Variants in UBR4 observed in about 807,000 individuals in gnomAD.
UBR4 encodes the protein E3 ubiquitin-protein ligase UBR4.
A neutral mutation model predicts 575.6 loss-of-function variants in UBR4; 124 were observed. The observed-to-expected ratio is 0.22, with a 90% CI of 0.19 to 0.25. The LOEUF (loss-of-function observed/expected upper bound fraction) is 0.25. Ranked by LOEUF, UBR4 falls within the 10% of genes least tolerant of loss-of-function variation. The pLI is 1.00. For synonymous variants in UBR4, 2,455 were observed against 2,473.7 expected (o/e 0.99, Z 0.22); for missense variants, 4,818 against 6,478.8 (o/e 0.74, Z 8.80).
chr1:19,106,573 C>A lies in UBR4; in HGVS notation c.12389G>T (p.Arg4130Leu). The A allele has an allele frequency of 6.4e-7, 1 of 1,560,748 alleles. No individual in the cohort carries two copies. The highest frequency in any genetic ancestry group is 1.2e-5 in the South Asian group (1 of 80,670). The change falls in exon 83 of 106, where the codon CGA (arginine) becomes CTA (leucine). Residue 4130 changes from arginine to leucine, a missense_variant. By Grantham distance (102) the Arg-to-Leu change is moderately radical (BLOSUM62 -2). Transcript: ENST00000375254. The stretch of plus-strand genomic sequence containing the variant: ...AGTCCAGAAGTGGCCACTCACTTGT[C>A]GCAGCCAGTTGTTATGCCCCAGTTT... Reference protein sequence around the residue: ...DLKLGHNNWLRQVLFTPATQA... With the variant: ...DLKLGHNNWLLQVLFTPATQA...
chr1:19,105,180 A>G lies in UBR4; in HGVS notation c.12513T>C (p.Asp4171=). ...QVLDLLTSYL[D]ELSIAGECAA... ...CACACTCCCCAGCTATGCTCAGCTC[A>G]TCCAGGTAACTGCCACCAAGAGGGA... The change falls in exon 85 of 106, where the codon GAT becomes GAC. Residue 4171 remains aspartate, a synonymous_variant. Transcript: ENST00000375254. 6.2e-7 allele frequency: 1 copy of G among 1,612,372 alleles called. No individual in the cohort carries two copies. The highest frequency in any genetic ancestry group is 8.5e-7 in the Non-Finnish European group (1 of 1,179,358).
chr1:19,193,990 G>T (rs2092292688), intron 8 of UBR4, among the ~76,000 whole-genome samples: 1 of 152,188 alleles, frequency 6.6e-6, no homozygotes. Flanking sequence ...TCTAGAAAAG[G>T]TAAAACTAGA....
intron 102 of UBR4, 34 bp from the exon 103 acceptor site, chr1:19,081,607 G>C (rs778376265): frequency 6.2e-7 from 1 of 1,612,348 alleles, no homozygotes; most frequent in Non-Finnish European, 8.5e-7. Context: ...AATAAAAGCA[G>C]GGTGGAAGCA....
chr1:19,138,156 G>T lies in UBR4; in HGVS notation c.8757C>A (p.Gly2919=), dbSNP rs752597534. The stretch of plus-strand genomic sequence containing the variant: ...CCGGATGCCCCTCAGCTGTAGCATC[G>T]CCATAAGCACTGCTCCGGCCAGATA... The part of the protein sequence containing the change: ...HSVSGRSSAY[G]DATAEGHPAG... The change falls in exon 60 of 106, where the codon GGC becomes GGA. Residue 2919 remains glycine, a synonymous_variant. Coordinates refer to ENST00000375254, the MANE Select transcript of UBR4 (RefSeq NM_020765.3). 3.8e-5 allele frequency: 60 copies of T among 1,570,396 alleles called. No individual in the cohort carries two copies. The highest frequency in any genetic ancestry group is 4.9e-5 in the Non-Finnish European group (56 of 1,153,924).
chr1:19,199,917 T>C (rs535344739), intron 2 of UBR4, among the ~76,000 whole-genome samples, 163 bp from the exon 3 acceptor site: 1 of 152,330 alleles, frequency 6.6e-6, no homozygotes, highest in Admixed American at 6.5e-5. Flanking sequence ...CATCAATAAC[T>C]ACCAGATCAA....
At position 19,121,921 on chromosome 1, in the gene UBR4, C is replaced by T; in HGVS notation, c.9895+13G>A. ...AATGAATAACAGCAATCAAAAGGAG[C>T]AGCATTGCTTACAGTCATCTTTGAT... is the stretch of plus-strand genomic sequence containing the variant. On this transcript the variant is annotated intron_variant, in intron 67 of 105. Transcript: ENST00000375254. 1 of 1,614,046 alleles carries T rather than the reference C, an allele frequency of 6.2e-7. No individual in the cohort carries two copies. Among genetic ancestry groups the T allele is most frequent in the Non-Finnish European group, 8.5e-7 (1 of 1,179,958 alleles).
chr1:19,101,642 C>G lies in UBR4; in HGVS notation c.12902-1G>C. ...AAGGCCTTGGTTTCTGATTCTGTAC[C>G]TGCCAGAAATCAAAGCGGCCAAGTT... On this transcript the variant is annotated splice_acceptor_variant, in intron 87 of 105. Transcript: ENST00000375254. LOFTEE classifies it high-confidence loss of function. 6.2e-7 allele frequency: 1 copy of G among 1,600,774 alleles called. No individual in the cohort carries two copies. Among genetic ancestry groups the G allele is most frequent in the Non-Finnish European group, 8.6e-7 (1 of 1,168,760 alleles).
chr1:19,187,091 T>TATAC, intron 13 of UBR4, 73 bp downstream of exon 13: 1 of 909,874 alleles, frequency 1.1e-6, no homozygotes. Context: ...TATATATATA[T>TATAC]ATATACATAT....
rs757658436 is a variant in UBR4, at chr1:19,076,766, G to T, written c.15461C>A (p.Thr5154Asn). ...TFQEEFMPVETFSEFLDVAGL... is the reference protein window; with the variant it reads ...TFQEEFMPVENFSEFLDVAGL... ...GGCCACATCGAGGAACTCTGAGAAG[G>T]TCTCCACTGGCATGAACTCCTCCTG... The change falls in exon 105 of 106, where the codon ACC becomes AAC. Residue 5154 changes from threonine (T) to asparagine (N), a missense_variant. Coordinates refer to ENST00000375254, the MANE Select transcript of UBR4 (RefSeq NM_020765.3). 4 of 1,614,142 alleles carry T rather than the reference G, an allele frequency of 2.5e-6. No homozygotes were observed. The highest frequency in any genetic ancestry group is 3.4e-6 in the Non-Finnish European group (4 of 1,180,028).
chr1:19,164,435 A>G lies in UBR4; in HGVS notation c.4518T>C (p.Val1506=). The G allele has an allele frequency of 1.2e-6, 2 of 1,613,368 alleles. No homozygotes were observed. The highest frequency in any genetic ancestry group is 4.5e-5 in the East Asian group (2 of 44,814). ...GAAGAACAGCACACACACCTTCCCC[A>G]ACTTGGCTAGGAGAAAAGAAAGAGC... ...TTYIVRENSQ[V]GEGVCAVLLG... Residue 1506 remains valine (V), a synonymous_variant, in exon 33 of 106, where the codon GTT becomes GTC. Transcript: ENST00000375254.
At chr1:19,114,723 A>T in intron 75 of UBR4, 88 bp downstream of exon 75, 1 of 1,523,084 alleles carries the variant, frequency 6.6e-7, no homozygotes, top group Non-Finnish European at 8.8e-7. Flanking sequence ...GGCTTAGGCT[A>T]GAAAGTAAAG....
rs1310932129 is a variant in UBR4, at chr1:19,152,492, C to G, written c.6833-16G>C. ...GTGCGGGTTGCTGCAGAGAACGGTA[C>G]CAGATCGTCAAGAGTCTCTCCCACC... On this transcript the variant is annotated splice_polypyrimidine_tract_variant and intron_variant, in intron 46 of 105. Transcript: ENST00000375254. The surrounding 1 kb of genome is among the most constrained non-coding windows in gnomAD (Gnocchi z 4.4). 1 of 1,613,272 alleles carries G rather than the reference C, an allele frequency of 6.2e-7. No individual in the cohort carries two copies. Among genetic ancestry groups the G allele is most frequent in the South Asian group, 1.1e-5 (1 of 91,044 alleles).
At position 19,144,786 on chromosome 1, in the gene UBR4, A is replaced by G. The variant is rs1271284459; in HGVS notation, c.8067T>C (p.Pro2689=). 1 of 1,613,842 alleles carries G rather than the reference A, an allele frequency of 6.2e-7. No individual in the cohort carries two copies. Among genetic ancestry groups the G allele is most frequent in the Admixed American group, 1.7e-5 (1 of 59,966 alleles). The change falls in exon 54 of 106, where the codon CCT becomes CCC. Residue 2689 remains proline (P), a splice_region_variant and synonymous_variant. Coordinates refer to ENST00000375254, the MANE Select transcript of UBR4 (RefSeq NM_020765.3). ...TCTCTGGGATTGTAATGCTACGTAC[A>G]GGACACAAGAGCATCTGCATGTAGA... ...SKIYMQMLLC[P]DPAVSFSCKQ...
intron 19 of UBR4, 136 bp downstream of exon 19, chr1:19,177,325 C>T: frequency 9.5e-7 from 1 of 1,055,214 alleles, no homozygotes; most frequent in African/African-American, 1.6e-5. Context: ...CAGTGGTCCT[C>T]CTAATCCTAC....
Position 19,093,571 on chromosome 1 carries a change from G to C in UBR4, c.13938-85C>G. On this transcript the variant is annotated intron_variant, in intron 95 of 105. Transcript: ENST00000375254. The surrounding 1 kb of genome is among the most constrained non-coding windows in gnomAD (Gnocchi z 4.8). ...CCCTCTTGGTTAACAACTGTCAACAGCCTATAGAAGATCAAGGCTAAATTC... is the reference window on the plus strand; with the variant it reads ...CCCTCTTGGTTAACAACTGTCAACACCCTATAGAAGATCAAGGCTAAATTC... 1 of 1,423,968 alleles carries C rather than the reference G, an allele frequency of 7.0e-7. No homozygotes were observed. Among genetic ancestry groups the C allele is most frequent in the Admixed American group, 2.0e-5 (1 of 50,818 alleles). 88.2% of individuals were successfully genotyped at this position (1,423,968 alleles called of 1,614,324 possible).
At position 19,165,703 on chromosome 1, in the gene UBR4, C is replaced by A; in HGVS notation, c.4164G>T (p.Leu1388=). The change falls in exon 30 of 106, where the codon CTG becomes CTT. Residue 1388 remains leucine, a synonymous_variant. Transcript: ENST00000375254. ...EECLQYLEKQ[L]ESSQARKAME... The stretch of plus-strand genomic sequence containing the variant: ...TAGCTTTACGAGCCTGGCTACTTTC[C>A]AGCTGCTTTTCCAAGTACTGGAGAC... 1 of 1,614,152 alleles carries A rather than the reference C, an allele frequency of 6.2e-7. No homozygotes were observed.
chr1:19,167,280 A>G (rs752863078), intron 28 of UBR4, 49 bp from the exon 29 acceptor site: 26 of 1,602,602 alleles, frequency 1.6e-5, no homozygotes, highest in Non-Finnish European at 2.2e-5. Context: ...TCCTCCAAAA[A>G]GCTGCAAAGC....
chr1:19,128,869 T>C lies in UBR4; in HGVS notation c.9003+109A>G. ...TCAAAAATTAGATTTCATTATTCTG[T>C]GGCCTAACACCAAACGAAGGCTTCC... On this transcript the variant is annotated intron_variant, in intron 61 of 105. Coordinates refer to ENST00000375254, the MANE Select transcript of UBR4 (RefSeq NM_020765.3). The C allele has an allele frequency of 5.7e-6, 5 of 879,610 alleles. No individual in the cohort carries two copies. In the South Asian group the frequency reaches 7.5e-5, roughly 13 times the overall value. The allele number at this position is 879,610 out of a possible 1,614,324, so 54.5% of individuals were successfully genotyped here.
chr1:19,117,455 C>T lies in UBR4; in HGVS notation c.10630-41G>A. 1 of 1,591,016 alleles carries T rather than the reference C, an allele frequency of 6.3e-7. No individual in the cohort carries two copies. Among genetic ancestry groups the T allele is most frequent in the Non-Finnish European group, 8.6e-7 (1 of 1,161,710 alleles). The stretch of plus-strand genomic sequence containing the variant: ...CACAAAACATGGTATTAGTTCAAGA[C>T]TCGTACTGCCTTTTTAAAAATTCAT... On this transcript the variant is annotated intron_variant, in intron 72 of 105. Transcript: ENST00000375254. The surrounding 1 kb of genome is among the most constrained non-coding windows in gnomAD (Gnocchi z 4.0).
Sources: allele counts gnomAD v4.1 joint callset (sites outside exome capture counted in the v4.1 genomes callset), GRCh38; gene constraint gnomAD v4.1.1; non-coding constraint Gnocchi (gnomAD v3.1); transcripts MANE v1.5; gene names NCBI Gene and HGNC (gene_info 2026-07-23, HGNC 2026-07-21).